Variants in ROBO1 observed in about 807,000 individuals in gnomAD.
ROBO1 encodes the protein roundabout guidance receptor 1, also known as roundabout homolog 1.
A neutral mutation model predicts 195.9 loss-of-function variants in ROBO1; 149 were observed. That is an observed-to-expected ratio of 0.76 (90% CI 0.67 to 0.87). The LOEUF is 0.87. Ranked by LOEUF, ROBO1 falls within the 40% of genes least tolerant of loss-of-function variation. The pLI, the probability that ROBO1 is intolerant of heterozygous loss-of-function variation, is 0.00. For missense variants in ROBO1, 1,933 were observed against 2,068.3 expected (o/e 0.93, Z 1.27); for synonymous variants, 816 against 733.2 (o/e 1.11, Z -1.82).
intron 2 of ROBO1, among the ~76,000 whole-genome samples, chr3:79,298,255 C>A (rs533199386): frequency 4.6e-5 from 7 of 152,192 alleles, no homozygotes; most frequent in African/African-American, 1.7e-4. Context: ...GATTGATTGG[C>A]AACATACGAA....
intron 2 of ROBO1, among the ~76,000 whole-genome samples, chr3:79,569,108 G>A (rs1337838847): frequency 1.3e-5 from 2 of 149,068 alleles, no homozygotes; most frequent in Middle Eastern, 3.3e-3. Context: ...AACCAGACAC[G>A]CATGCGCGTG....
intron 3 of ROBO1, among the ~76,000 whole-genome samples, chr3:79,083,089 C>G (rs545709718): frequency 6.6e-6 from 1 of 151,858 alleles, no homozygotes; most frequent in Non-Finnish European, 1.5e-5. Flanking sequence ...CCCAGCTAGT[C>G]GGGAGGCTGA....
intron 2 of ROBO1, among the ~76,000 whole-genome samples, chr3:79,447,655 A>G (rs2039307620): frequency 6.6e-6 from 1 of 152,202 alleles, no homozygotes; most frequent in African/African-American, 2.4e-5. Context: ...TGATGATTAT[A>G]CAGTACTTGA....
chr3:79,603,861 G>A (rs36037982), intron 1 of ROBO1, among the ~76,000 whole-genome samples: 38,347 of 151,802 alleles, frequency 0.25, 6,700 homozygotes, highest in African/African-American at 0.5. Flanking sequence ...TGTAGTGGCT[G>A]CTTGTATAGA....
At chr3:79,521,593 G>A (rs1255720106) in intron 2 of ROBO1, among the ~76,000 whole-genome samples, 1 of 152,166 alleles carries the variant, frequency 6.6e-6, no homozygotes, top group Non-Finnish European at 1.5e-5. Flanking sequence ...AGGTTAAAAT[G>A]ACTGAAGCCT....
At chr3:78,998,408 C>T (rs971408297) in intron 3 of ROBO1, among the ~76,000 whole-genome samples, 2 of 152,230 alleles carry the variant, frequency 1.3e-5, no homozygotes, top group South Asian at 2.1e-4. Context: ...TTGCCCTACA[C>T]TTATACTCAG....
chr3:79,061,541 C>A (rs996421671), intron 3 of ROBO1, among the ~76,000 whole-genome samples: 2 of 152,106 alleles, frequency 1.3e-5, no homozygotes, highest in Non-Finnish European at 2.9e-5. Flanking sequence ...CCCATATAGC[C>A]AAGATAATCC....
intron 2 of ROBO1, among the ~76,000 whole-genome samples, chr3:79,460,939 G>A (rs1037726996): frequency 7.3e-5 from 11 of 151,690 alleles, no homozygotes; most frequent in Non-Finnish European, 1.2e-4. Context: ...TAGTAGAGAC[G>A]GGGTTTCACC....
intron 2 of ROBO1, among the ~76,000 whole-genome samples, chr3:79,358,247 T>C (rs2035634618): frequency 6.6e-6 from 1 of 152,070 alleles, no homozygotes; most frequent in Admixed American, 6.6e-5. Context: ...CTAAGAATAG[T>C]GTTTGGCATA....
chr3:78,811,237 TTTCTAA>T (rs2084729178), intron 4 of ROBO1, among the ~76,000 whole-genome samples: 1 of 152,208 alleles, frequency 6.6e-6, no homozygotes, highest in South Asian at 2.1e-4. Flanking sequence ...TTCAATTTTG[TTTCTAA>T]AACAAATGTA....
At chr3:79,243,244 T>C (rs1002328764) in intron 2 of ROBO1, among the ~76,000 whole-genome samples, 4 of 152,086 alleles carry the variant, frequency 2.6e-5, no homozygotes, top group Admixed American at 1.3e-4. Flanking sequence ...TGTTGGACAT[T>C]TGGGTTTGTT....
At chr3:78,847,139 A>G (rs2033723624) in intron 4 of ROBO1, among the ~76,000 whole-genome samples, 1 of 152,138 alleles carries the variant, frequency 6.6e-6, no homozygotes, top group Non-Finnish European at 1.5e-5. Flanking sequence ...TTTTAAAGGC[A>G]AGGGAAGGGG....
intron 2 of ROBO1, among the ~76,000 whole-genome samples, chr3:79,378,267 C>A (rs2036453016): frequency 6.6e-6 from 1 of 151,908 alleles, no homozygotes; most frequent in Non-Finnish European, 1.5e-5. Flanking sequence ...GCGTAATAGC[C>A]ATTCAGAACT....
At chr3:79,678,454 T>A (rs1485457258) in intron 1 of ROBO1, among the ~76,000 whole-genome samples, 39 of 152,176 alleles carry the variant, frequency 2.6e-4, no homozygotes, top group Non-Finnish European at 4.4e-5. Context: ...ATAAAATATT[T>A]GATAAGGCTA....
intron 8 of ROBO1, among the ~76,000 whole-genome samples, chr3:78,701,048 G>A (rs2107937230): frequency 1.3e-5 from 2 of 152,312 alleles, no homozygotes; most frequent in East Asian, 3.9e-4. Context: ...ACAGGCGTGA[G>A]CCACCATGCC....
At chr3:79,092,738 G>T (rs1018560871) in intron 3 of ROBO1, among the ~76,000 whole-genome samples, 2 of 152,068 alleles carry the variant, frequency 1.3e-5, no homozygotes, top group East Asian at 1.9e-4. Flanking sequence ...ATATTGTTTG[G>T]CTGTGGGAGG....
chr3:79,537,593 C>T (rs1215848033), intron 2 of ROBO1, among the ~76,000 whole-genome samples: 2 of 152,078 alleles, frequency 1.3e-5, no homozygotes, highest in Admixed American at 6.6e-5. Flanking sequence ...GGTGGGTGTA[C>T]ATCAAGCTCG....
chr3:78,659,754 T>G lies in ROBO1; in HGVS notation c.2374A>C (p.Thr792Pro). ...GGCTGCCAACTAACTAGAATTGCAG[T>G]TCCGTTTCCATCATTCTTGGATACA... ...VTVSKNDGNG[T>P]AILVSWQPPP... is the part of the protein sequence containing the mutation. The change falls in exon 17 of 31, where the codon ACT (threonine) becomes CCT (proline). Residue 792 changes from threonine to proline, a missense_variant. This residue lies in a region of ROBO1 where 1,737 missense variants were observed against 1,882.5 expected (regional missense o/e 0.92). Transcript: ENST00000464233. The G allele has an allele frequency of 1.3e-6, 2 of 1,598,722 alleles. No homozygotes were observed. The highest frequency in any genetic ancestry group is 1.7e-6 in the Non-Finnish European group (2 of 1,171,746).
At chr3:78,835,843 A>T (rs1005605769) in intron 4 of ROBO1, among the ~76,000 whole-genome samples, 1 of 152,206 alleles carries the variant, frequency 6.6e-6, no homozygotes, top group Non-Finnish European at 1.5e-5. Context: ...CAAAAGTCTA[A>T]TTAATGGTAC....
Sources: allele counts gnomAD v4.1 joint callset (sites outside exome capture counted in the v4.1 genomes callset), GRCh38; gene constraint gnomAD v4.1.1; regional missense constraint gnomAD v4.1.1; transcripts MANE v1.5; gene names NCBI Gene and HGNC (gene_info 2026-07-23, HGNC 2026-07-21).